The following GPM6A variants were observed in gnomAD, a reference collection of about 807,000 sequenced individuals.
The protein encoded by GPM6A is neuronal membrane glycoprotein M6-a.
GPM6A carries 7 observed loss-of-function variants against 32.1 expected under a neutral mutation model. The ratio of observed to expected loss-of-function variants is 0.22; its 90% CI spans 0.12 to 0.41. The LOEUF is 0.41. Ranked by LOEUF, GPM6A falls within the 10% of genes least tolerant of loss-of-function variation. The pLI is 1.00. For synonymous variants in GPM6A, 130 were observed against 123.4 expected (o/e 1.05, Z -0.35); for missense variants, 235 against 347.2 (o/e 0.68, Z 2.57).
At chr4:175,730,825 C>A (rs72702654) in intron 1 of GPM6A, among the ~76,000 whole-genome samples, 12,788 of 152,074 alleles carry the variant, frequency 0.084, 625 homozygotes, top group South Asian at 0.18. Context: ...CCCATGTTCA[C>A]CAAAGTACAT....
intron 1 of GPM6A, among the ~76,000 whole-genome samples, chr4:175,943,478 C>T (rs987961915): frequency 4.1e-4 from 63 of 152,256 alleles, no homozygotes; most frequent in African/African-American, 1.4e-3. Context: ...GGGAATGCTT[C>T]CAGCTTTTGC....
At chr4:175,940,923 C>T (rs555513253) in intron 1 of GPM6A, among the ~76,000 whole-genome samples, 9 of 152,148 alleles carry the variant, frequency 5.9e-5, no homozygotes, top group Non-Finnish European at 1.2e-4. Flanking sequence ...TCTTTAACTA[C>T]GTTGGCACAG....
chr4:175,863,265 G>A (rs150755113), intron 1 of GPM6A, among the ~76,000 whole-genome samples: 101 of 151,964 alleles, frequency 6.6e-4, no homozygotes, highest in African/African-American at 2.3e-3. Context: ...CCGGCAGCAC[G>A]AGATCTCTTC....
chr4:175,668,519 A>ATGTGTGTGTGTGTGTGTGTG (rs56106172), intron 3 of GPM6A, among the ~76,000 whole-genome samples: 3,943 of 139,294 alleles, frequency 0.028, 122 homozygotes, highest in Middle Eastern at 0.077. Context: ...TCAAACGTTT[A>ATGTGTGTGTGTGTGTGTGTG]TGTGTGTGTG....
chr4:175,833,820 G>A (rs1348807845), intron 1 of GPM6A, among the ~76,000 whole-genome samples: 7 of 151,946 alleles, frequency 4.6e-5, no homozygotes, highest in African/African-American at 1.7e-4. Context: ...AAACCAAGCA[G>A]CAGTTACTAG....
chr4:175,812,983 G>A, upstream of GPM6A: 2 of 985,302 alleles, frequency 2.0e-6, no homozygotes, highest in Non-Finnish European at 2.4e-6. Flanking sequence ...AAAAGAAATA[G>A]AAGCGTGGCT....
Position 175,961,899 on chromosome 4 carries a change from G to C in GPM6A, c.-23+40410C>G, listed in dbSNP as rs1290097306. Reference sequence around the variant, plus strand: ...TGCAAAGTTACAGCCCAAGGGCACAGGCTCAGTAAAAAACTGAGTCCTAAT... The same window carrying C: ...TGCAAAGTTACAGCCCAAGGGCACACGCTCAGTAAAAAACTGAGTCCTAAT... On this transcript the variant is annotated intron_variant, in intron 1 of 7. Coordinates refer to the GPM6A transcript ENST00000280187. Among the ~76,000 whole-genome samples, 5 of 152,198 alleles carry C rather than the reference G, an allele frequency of 3.3e-5. No homozygotes were observed. The East Asian group carries it at 9.6e-4, about 29-fold the overall frequency.
chr4:175,979,416 A>T (rs1740757994), intron 1 of GPM6A, among the ~76,000 whole-genome samples: 1 of 152,184 alleles, frequency 6.6e-6, no homozygotes, highest in South Asian at 2.1e-4. Context: ...AGTAAATATC[A>T]ATCATACTAA....
intron 1 of GPM6A, among the ~76,000 whole-genome samples, chr4:175,900,329 AAAGGAAAGGAAAGGAAAG>A (rs1485937918): frequency 5.6e-5 from 8 of 143,224 alleles, no homozygotes; most frequent in Non-Finnish European, 3.0e-5. Context: ...AAAGGAAAGG[AAAGGAAAGGAAAGGAAAG>A]GAAAAGAAAG....
intron 1 of GPM6A, among the ~76,000 whole-genome samples, chr4:175,854,642 T>G (rs1260377187): frequency 6.6e-6 from 1 of 152,104 alleles, no homozygotes; most frequent in Non-Finnish European, 1.5e-5. Flanking sequence ...CAGGCAGTGG[T>G]GCAAAAAAGA....
intron 2 of GPM6A, among the ~76,000 whole-genome samples, chr4:175,676,738 C>A (rs1743389781): frequency 6.6e-6 from 1 of 151,718 alleles, no homozygotes; most frequent in Non-Finnish European, 1.5e-5. Context: ...AAAGTGAGAA[C>A]CTATCTAAAT....
intron 1 of GPM6A, among the ~76,000 whole-genome samples, chr4:175,729,918 ATT>A (rs1731345740): frequency 6.8e-6 from 1 of 146,816 alleles, no homozygotes; most frequent in South Asian, 2.1e-4. Flanking sequence ...TAATATATAT[ATT>A]ATTTAATATA....
At chr4:175,753,716 T>C (rs1732424548) in intron 1 of GPM6A, among the ~76,000 whole-genome samples, 1 of 152,152 alleles carries the variant, frequency 6.6e-6, no homozygotes, top group African/African-American at 2.4e-5. Flanking sequence ...TCTGCTTTCT[T>C]TACTTTCCAA....
intron 1 of GPM6A, among the ~76,000 whole-genome samples, chr4:175,993,705 T>C (rs1741220376): frequency 6.6e-6 from 1 of 152,230 alleles, no homozygotes; most frequent in African/African-American, 2.4e-5. Flanking sequence ...GAGTATTTGT[T>C]GGTTTCTTTG....
At chr4:175,804,485 C>G (rs1362814253) in intron 1 of GPM6A, among the ~76,000 whole-genome samples, 1 of 151,950 alleles carries the variant, frequency 6.6e-6, no homozygotes, top group Non-Finnish European at 1.5e-5. Flanking sequence ...ACCCAATGGC[C>G]CTTGACTAAA....
chr4:175,712,817 C>A (rs575297748), intron 1 of GPM6A, among the ~76,000 whole-genome samples: 16 of 152,218 alleles, frequency 1.1e-4, no homozygotes, highest in East Asian at 9.7e-4. Flanking sequence ...CAGAAGTGAT[C>A]AAAAAATATG....
intron 1 of GPM6A, among the ~76,000 whole-genome samples, chr4:175,958,512 A>G (rs762175502): frequency 6.6e-6 from 1 of 152,218 alleles, no homozygotes; most frequent in Non-Finnish European, 1.5e-5. Context: ...TTGCTAACTG[A>G]TAGGGTGACA....
intron 1 of GPM6A, among the ~76,000 whole-genome samples, chr4:175,734,945 C>T (rs1350540320): frequency 1.3e-5 from 2 of 152,150 alleles, no homozygotes; most frequent in Admixed American, 6.5e-5. Flanking sequence ...TTTATAAGAA[C>T]CCTCCACACT....
chr4:175,907,623 C>G (rs1406250716), intron 1 of GPM6A, among the ~76,000 whole-genome samples: 1 of 152,102 alleles, frequency 6.6e-6, no homozygotes, highest in Non-Finnish European at 1.5e-5. Context: ...CCCTTCTGTC[C>G]TGAAACAGGT....
Sources: allele counts gnomAD v4.1 joint callset (sites outside exome capture counted in the v4.1 genomes callset), GRCh38; gene constraint gnomAD v4.1.1; transcripts MANE v1.5; gene names NCBI Gene and HGNC (gene_info 2026-07-23, HGNC 2026-07-21).